The following ANO9 variants were observed in gnomAD, a reference collection of about 807,000 sequenced individuals.
The protein encoded by ANO9 is anoctamin-9.
ANO9 carries 80 observed loss-of-function variants against 100.5 expected under a neutral mutation model. The ratio of observed to expected loss-of-function variants is 0.80; its 90% CI spans 0.66 to 0.96. The LOEUF is 0.96. Ranked by LOEUF, ANO9 falls within the 40% of genes least tolerant of loss-of-function variation. The pLI, the probability that ANO9 is intolerant of heterozygous loss-of-function variation, is 0.00. For missense variants in ANO9, 1,064 were observed against 1,072.7 expected, an observed-to-expected ratio of 0.99 and a Z score of 0.11; for synonymous variants, 473 against 435.6, an observed-to-expected ratio of 1.09 and a Z score of -1.07.
chr11:434,024 C>G lies in ANO9; in HGVS notation c.81G>C (p.Glu27Asp). 1 of 1,550,734 alleles carries G rather than the reference C, an allele frequency of 6.4e-7. No homozygotes were observed. Among genetic ancestry groups the G allele is most frequent in the African/African-American group, 1.4e-5 (1 of 73,260 alleles). Residue 27 changes from glutamate to aspartate, a missense_variant and splice_region_variant, in exon 2 of 23, where the codon GAG (glutamate) becomes GAC (aspartate). Physicochemically the swap from Glu to Asp is conservative, Grantham distance 45. Coordinates refer to ENST00000332826, the MANE Select transcript of ANO9 (RefSeq NM_001012302.3). ...SFPLMEISTC[E>D]TEASEQWDYV... The stretch of plus-strand genomic sequence containing the variant: ...CCGGGAGGGGCCCCCGGACACCCAC[C>G]TCACAGGTGCTGATCTCCATCAGCG...
chr11:419,068 G>T (rs1448846850), intron 20 of ANO9, 79 bp from the exon 21 acceptor site: 19 of 1,594,636 alleles, frequency 1.2e-5, no homozygotes, highest in Non-Finnish European at 1.6e-5. Flanking sequence ...CTTCTAGCCT[G>T]CGTTGTGGAG....
At chr11:435,993 ATGT>A (rs1300479983) in intron 1 of ANO9, among the ~76,000 whole-genome samples, 4 of 149,322 alleles carry the variant, frequency 2.7e-5, no homozygotes, top group East Asian at 3.9e-4. Context: ...TACACCAAAA[ATGT>A]TGTTTATGTG....
chr11:423,548 C>T (rs1419335584), intron 15 of ANO9, among the ~76,000 whole-genome samples: 2 of 152,136 alleles, frequency 1.3e-5, no homozygotes. Flanking sequence ...ATCTCTGTCA[C>T]TCGGGCTGGA....
At chr11:433,730 C>T in intron 3 of ANO9, 85 bp downstream of exon 3, 1 of 1,484,956 alleles carries the variant, frequency 6.7e-7, no homozygotes, top group East Asian at 2.5e-5. Flanking sequence ...CCTCGCTGGG[C>T]ACCCGCCCCA....
At chr11:429,456 C>T in intron 11 of ANO9, 114 bp downstream of exon 11, 2 of 1,511,648 alleles carry the variant, frequency 1.3e-6, no homozygotes, top group East Asian at 4.9e-5. Context: ...TGTGGGGAGA[C>T]AGACTCGGGA....
At position 420,292 on chromosome 11, in the gene ANO9, C is replaced by T. The variant is rs1564903726; in HGVS notation, c.1786+171G>A. ...GCTCGGCCCCGCCCACTCCTGGTACCCTCCCACCCAGGCTCAACCCGCATC... is the reference window on the plus strand; with the variant it reads ...GCTCGGCCCCGCCCACTCCTGGTACTCTCCCACCCAGGCTCAACCCGCATC... On this transcript the variant is annotated intron_variant, in intron 19 of 22. Coordinates refer to ENST00000332826, the MANE Select transcript of ANO9 (RefSeq NM_001012302.3). 7 of 1,438,568 alleles carry T rather than the reference C, an allele frequency of 4.9e-6. No individual in the cohort carries two copies. The East Asian group carries it at 1.5e-4, about 31-fold the overall frequency. 89.1% of individuals were successfully genotyped at this position (1,438,568 alleles called of 1,614,324 possible).
chr11:435,122 T>C (rs1473538485), intron 1 of ANO9, among the ~76,000 whole-genome samples: 1 of 152,172 alleles, frequency 6.6e-6, no homozygotes, highest in Admixed American at 6.5e-5. Flanking sequence ...TAGCATAGCA[T>C]AGCATAGTGT....
Position 421,628 on chromosome 11 carries a change from C to T in ANO9, c.1335-430G>A, listed in dbSNP as rs559951451. On this transcript the variant is annotated intron_variant, in intron 15 of 22. Transcript: ENST00000332826. The surrounding 1 kb of genome is among the most constrained non-coding windows in gnomAD (Gnocchi z 6.8). ...ACAGGGGAGGCCACAGGCTCCCAGA[C>T]GAACCGCACCTGCACGTGGGCGCAC... Among the ~76,000 whole-genome samples the T allele has an allele frequency of 8.5e-5, 12 of 140,826 alleles. No homozygotes were observed. The highest frequency in any genetic ancestry group is 1.7e-4 in the Non-Finnish European group (11 of 64,444). The allele number at this position is 140,826 out of a possible 152,430, so 92.4% of individuals were successfully genotyped here. A position where few individuals can be genotyped will look rare whatever the true frequency, so the allele number is the denominator to read the frequency against.
intron 15 of ANO9, among the ~76,000 whole-genome samples, chr11:425,553 T>TAAAA (rs796310958): frequency 7.6e-6 from 1 of 132,086 alleles, no homozygotes; most frequent in East Asian, 2.1e-4. Flanking sequence ...AACTGACAGT[T>TAAAA]AAAAAAAAAA....
Position 420,707 on chromosome 11 carries a change from C to T in ANO9, c.1633+11G>A. The T allele has an allele frequency of 6.2e-7, 1 of 1,604,502 alleles. No individual in the cohort carries two copies. The highest frequency in any genetic ancestry group is 8.5e-7 in the Non-Finnish European group (1 of 1,175,730). On this transcript the variant is annotated intron_variant, in intron 18 of 22. Transcript: ENST00000332826. ...GTCTCCGCGAACCCCCGCCCCGCAG[C>T]GCCCACGCACTCATCTCCATGAACT...
Position 431,795 on chromosome 11 carries a change from C to T in ANO9, c.466-28G>A, listed in dbSNP as rs1007032259. 3.7e-6 allele frequency: 6 copies of T among 1,612,202 alleles called. No individual in the cohort carries two copies. In the African/African-American group the frequency reaches 5.3e-5, roughly 14 times the overall value. On this transcript the variant is annotated intron_variant, in intron 6 of 22. Coordinates refer to ENST00000332826, the MANE Select transcript of ANO9 (RefSeq NM_001012302.3). The stretch of plus-strand genomic sequence containing the variant: ...GGCTCGGGTGACAGAGAGTGAGAGC[C>T]CCCATCCCAGGGTCCCACCCCAGGG...
chr11:438,125 T>G (rs1184794428), intron 1 of ANO9, among the ~76,000 whole-genome samples: 1 of 151,820 alleles, frequency 6.6e-6, no homozygotes, highest in Non-Finnish European at 1.5e-5. Flanking sequence ...ACTGGGGTGA[T>G]GACCCCACGC....
intron 1 of ANO9, among the ~76,000 whole-genome samples, chr11:439,584 G>A (rs956378313): frequency 2.3e-5 from 2 of 85,212 alleles, no homozygotes; most frequent in Non-Finnish European, 4.3e-5. Flanking sequence ...AAGGTGTTTG[G>A]GCCTCATCTC....
chr11:424,245 C>T (rs117606379), intron 15 of ANO9, among the ~76,000 whole-genome samples: 32 of 152,302 alleles, frequency 2.1e-4, no homozygotes, highest in Non-Finnish European at 4.0e-4. Context: ...AAAATAGAAC[C>T]ATAAAGGAAT....
At chr11:431,221 T>A in intron 7 of ANO9, among the ~76,000 whole-genome samples, 1 of 17,504 alleles carries the variant, frequency 5.7e-5, no homozygotes, top group Non-Finnish European at 1.1e-4. Flanking sequence ...GGGGCTCCCG[T>A]GGGTATCTGG....
At chr11:437,117 TC>T (rs1845415105) in intron 1 of ANO9, among the ~76,000 whole-genome samples, 1 of 148,062 alleles carries the variant, frequency 6.8e-6, no homozygotes, top group African/African-American at 2.5e-5. Context: ...CGGCATTAGA[TC>T]CTCACAGGAG....
At chr11:419,382 C>T in intron 20 of ANO9, 200 bp downstream of exon 20, 1 of 1,420,780 alleles carries the variant, frequency 7.0e-7, no homozygotes, top group Non-Finnish European at 9.2e-7. Flanking sequence ...GCGGTCCTGG[C>T]CAGTTATCCC....
At position 432,081 on chromosome 11, in the gene ANO9, G is replaced by A. The variant is rs185997170; in HGVS notation, c.351-27C>T. The A allele has an allele frequency of 2.5e-3, 4,101 of 1,611,796 alleles. 7 individuals carry two copies. The highest frequency in any genetic ancestry group is 3.2e-3 in the Non-Finnish European group (3,801 of 1,179,442). ...TCAAGAGCCAGAGCAGGGTGGCCCC[G>A]TGTGACCACAGTGGACCCTGCCTCC... On this transcript the variant is annotated intron_variant, in intron 4 of 22. Transcript: ENST00000332826. This position sits in a 1 kb window ranked among gnomAD's most constrained non-coding sequence, Gnocchi z 4.8.
At chr11:433,522 A>ACCCTCCCCCGTCTATTCCACCTCAGAC (rs1849197484) in intron 3 of ANO9, 63 bp from the exon 4 acceptor site, 1 of 1,551,280 alleles carries the variant, frequency 6.4e-7, no homozygotes, top group African/African-American at 1.4e-5. Flanking sequence ...CCGCCTCAGA[A>ACCCTCCCCCGTCTATTCCACCTCAGAC]CCCTCCCCCC....
Sources: gnomAD v4.1 joint callset for allele counts (sites outside exome capture counted in the v4.1 genomes callset) on GRCh38, gnomAD v4.1.1 for gene constraint, Gnocchi (gnomAD v3.1) non-coding constraint, MANE v1.5 for transcripts, NCBI Gene and HGNC (gene_info 2026-07-23, HGNC 2026-07-21) for gene names.